Variants in FECH observed in about 807,000 individuals in gnomAD.
FECH encodes ferrochelatase.
Under a neutral mutation model 56.9 loss-of-function variants are expected in FECH, and 40 were observed. That is an observed-to-expected ratio of 0.70 (90% CI 0.55 to 0.92). FECH has a LOEUF of 0.92. Ranked by LOEUF, FECH falls within the 40% of genes least tolerant of loss-of-function variation. The pLI is 0.00. For missense variants in FECH, 431 were observed against 529.1 expected, an observed-to-expected ratio of 0.81 and a Z score of 1.82; for synonymous variants, 175 against 198.6, an observed-to-expected ratio of 0.88 and a Z score of 1.00.
At chr18:57,563,580 C>CAAAAAAAAAAAAAAAAA (rs747565830) in intron 5 of FECH, among the ~76,000 whole-genome samples, 2 of 33,620 alleles carry the variant, frequency 5.9e-5, no homozygotes, top group East Asian at 1.2e-3. Context: ...AACTCCGTCC[C>CAAAAAAAAAAAAAAAAA]AAAAAAAAAA....
chr18:57,561,765 A>G (rs2122280196), intron 6 of FECH, among the ~76,000 whole-genome samples: 1 of 152,228 alleles, frequency 6.6e-6, no homozygotes, highest in South Asian at 2.1e-4. Context: ...GTCAATGCTG[A>G]CCTGAAACCC....
chr18:57,564,941 T>C (rs2050997460), intron 5 of FECH, among the ~76,000 whole-genome samples: 1 of 152,192 alleles, frequency 6.6e-6, no homozygotes, highest in African/African-American at 2.4e-5. Context: ...GTCTAAAAGA[T>C]ACAACAGATA....
In FECH at chr18:57,575,578, G is replaced by A. The variant is rs189704373; in HGVS notation, c.195-2213C>T. 8.8e-4 allele frequency among the ~76,000 whole-genome samples: 134 copies of A among 152,222 alleles called. No homozygotes were observed. In the Middle Eastern group the frequency reaches 0.014, roughly 15 times the overall value. On this transcript the variant is annotated intron_variant, in intron 2 of 10. Coordinates refer to ENST00000262093, the MANE Select transcript of FECH (RefSeq NM_000140.5). ...CCGCTTCGGCCTCCTGAGTAGCTGG[G>A]ACCACAGGCACATGCCTCCATGCCT...
In FECH at chr18:57,566,625, T is replaced by C. The variant is rs952209543; in HGVS notation, c.464-44A>G. On this transcript the variant is annotated intron_variant, in intron 4 of 10. Coordinates refer to ENST00000262093, the MANE Select transcript of FECH (RefSeq NM_000140.5). ...GGAAAGGAGAAAGTGTTAATCCTTA[T>C]ATAGATTCCTCAGAGTCAACAAACA... 10 of 1,609,296 alleles carry C rather than the reference T, an allele frequency of 6.2e-6. No homozygotes were observed. The East Asian group carries it at 1.1e-4, about 18-fold the overall frequency.
chr18:57,563,480 T>G (rs2122287252), intron 5 of FECH, among the ~76,000 whole-genome samples: 1 of 143,084 alleles, frequency 7.0e-6, no homozygotes, highest in Middle Eastern at 4.0e-3. Context: ...CTCAGGAGGC[T>G]GAGGTAGGAG....
chr18:57,552,222 A>T (rs1406705301), intron 9 of FECH, among the ~76,000 whole-genome samples: 1 of 151,994 alleles, frequency 6.6e-6, no homozygotes, highest in Non-Finnish European at 1.5e-5. Context: ...AAAGGAAAAC[A>T]ATGGGAGGAT....
rs2050783169 is a variant in FECH at position 57,550,532 on chromosome 18, T to C, written c.*180A>G. On this transcript the variant is annotated 3_prime_UTR_variant, in exon 11 of 11. Coordinates refer to ENST00000262093, the MANE Select transcript of FECH (RefSeq NM_000140.5). ...TACAAATGCTTACTGTATAGTTATA[T>C]AAAAATAGAAATCCATCAAGAGTCC... The C allele has an allele frequency of 6.1e-6, 4 of 660,740 alleles. No homozygotes were observed. The Admixed American group carries it at 8.8e-5, about 15-fold the overall frequency. 40.9% of individuals were successfully genotyped at this position (660,740 alleles called of 1,614,324 possible). A position where few individuals can be genotyped will look rare whatever the true frequency, so the allele number is the denominator to read the frequency against.
At chr18:57,552,444 A>G (rs566336248) in intron 9 of FECH, among the ~76,000 whole-genome samples, 1 of 151,900 alleles carries the variant, frequency 6.6e-6, no homozygotes, top group South Asian at 2.1e-4. Context: ...TCTGTTGCCC[A>G]GGCTGGAGTG....
intron 4 of FECH, 62 bp downstream of exon 4, chr18:57,571,330 T>G: frequency 6.4e-7 from 1 of 1,566,908 alleles, no homozygotes; most frequent in East Asian, 2.2e-5. Flanking sequence ...ACTACTCTTT[T>G]GAATTTCATA....
intron 7 of FECH, 103 bp downstream of exon 7, chr18:57,559,042 T>C: frequency 1.2e-6 from 1 of 806,016 alleles, no homozygotes; most frequent in East Asian, 2.5e-5. Context: ...ATTCTTGCAC[T>C]GGGCTTAGGA....
intron 9 of FECH, among the ~76,000 whole-genome samples, chr18:57,552,182 C>T (rs2050809067): frequency 6.6e-6 from 1 of 151,950 alleles, no homozygotes; most frequent in South Asian, 2.1e-4. Flanking sequence ...CCAAGTCTGG[C>T]CTGAAATATA....
At chr18:57,565,214 G>A (rs1598994713) in intron 5 of FECH, among the ~76,000 whole-genome samples, 1 of 152,188 alleles carries the variant, frequency 6.6e-6, no homozygotes, top group African/African-American at 2.4e-5. Flanking sequence ...CTTAAAACAA[G>A]GCAAAAGTAG....
intron 2 of FECH, among the ~76,000 whole-genome samples, chr18:57,579,273 A>G (rs541262321): frequency 2.3e-4 from 29 of 124,292 alleles, no homozygotes; most frequent in African/African-American, 6.7e-4. Flanking sequence ...ATATATATAT[A>G]TGTGTGTGTG....
chr18:57,551,408 G>A (rs751356941), intron 9 of FECH, 34 bp from the exon 10 acceptor site: 2 of 1,555,640 alleles, frequency 1.3e-6, no homozygotes, highest in East Asian at 2.3e-5. Context: ...GAAAAACACA[G>A]ATATATTTTA....
At chr18:57,559,966 G>A (rs922455937) in intron 6 of FECH, among the ~76,000 whole-genome samples, 3 of 152,120 alleles carry the variant, frequency 2.0e-5, no homozygotes, top group Non-Finnish European at 2.9e-5. Flanking sequence ...TTTGATTCAC[G>A]TCGATAGGTG....
At chr18:57,579,582 G>A (rs2051244383) in intron 2 of FECH, among the ~76,000 whole-genome samples, 1 of 152,142 alleles carries the variant, frequency 6.6e-6, no homozygotes, top group Admixed American at 6.6e-5. Flanking sequence ...CAGAAGAGGT[G>A]AGGTATGAAA....
chr18:57,555,911 C>T (rs2050861618), intron 7 of FECH, among the ~76,000 whole-genome samples: 1 of 152,176 alleles, frequency 6.6e-6, no homozygotes, highest in African/African-American at 2.4e-5. Context: ...GGCTGATCGC[C>T]TGAGGTCAGG....
At position 57,547,373 on chromosome 18, in the gene FECH, C is replaced by T. The variant is rs113928110; in HGVS notation, c.*3339G>A. ...CAAATTGTAATCCCCATAATCCCCA[C>T]GTGTTGAGGGAGGGACCTGGTGGAA... On this transcript the variant is annotated 3_prime_UTR_variant, in exon 11 of 11. Transcript: ENST00000262093. Among the ~76,000 whole-genome samples, 229 of 152,240 alleles carry T rather than the reference C, an allele frequency of 1.5e-3. No individual in the cohort carries two copies. Among genetic ancestry groups the T allele is most frequent in the African/African-American group, 5.0e-3 (208 of 41,540 alleles).
rs926625317 is a variant in FECH at position 57,545,899 on chromosome 18, C to G, written c.*4813G>C. 1.3e-5 allele frequency among the ~76,000 whole-genome samples: 2 copies of G among 152,158 alleles called. No individual in the cohort carries two copies. The highest frequency in any genetic ancestry group is 4.8e-5 in the African/African-American group (2 of 41,428). ...TATGTTCTGGGGATCTAACATACAG[C>G]ATGGCGAATGTAGTTAATAATACTT... On this transcript the variant is annotated 3_prime_UTR_variant, in exon 11 of 11. Transcript: ENST00000262093.
Sources: gnomAD v4.1 joint callset for allele counts (sites outside exome capture counted in the v4.1 genomes callset) on GRCh38, gnomAD v4.1.1 for gene constraint, MANE v1.5 for transcripts, NCBI Gene and HGNC (gene_info 2026-07-23, HGNC 2026-07-21) for gene names.